The following NLGN1 variants were observed in gnomAD, a reference collection of about 807,000 sequenced individuals.
NLGN1 encodes neuroligin-1.
In NLGN1, 12 loss-of-function variants were observed where a neutral mutation model predicts 65.5. That is an observed-to-expected ratio of 0.18 (90% CI 0.12 to 0.30). The LOEUF (loss-of-function observed/expected upper bound fraction) is 0.30, where lower values mean the gene tolerates loss of function less well. Ranked by LOEUF, NLGN1 falls within the 10% of genes least tolerant of loss-of-function variation. NLGN1 has a pLI of 1.00. For synonymous variants in NLGN1, 350 were observed against 359.5 expected (o/e 0.97, Z 0.30); for missense variants, 750 against 1,007.1 (o/e 0.74, Z 3.46).
At chr3:174,216,663 G>T (rs189680633) in intron 4 of NLGN1, among the ~76,000 whole-genome samples, 45 of 152,148 alleles carry the variant, frequency 3.0e-4, no homozygotes, top group Non-Finnish European at 6.2e-4. Flanking sequence ...CCTTTGCCAT[G>T]TTCCTTCCTG....
intron 4 of NLGN1, among the ~76,000 whole-genome samples, chr3:174,093,318 T>C (rs184786562): frequency 6.6e-6 from 1 of 152,320 alleles, no homozygotes; most frequent in East Asian, 1.9e-4. Flanking sequence ...GTAATAAAGA[T>C]ACCTGTTTAC....
chr3:173,890,711 G>C (rs1049875047), intron 4 of NLGN1, among the ~76,000 whole-genome samples: 1 of 152,042 alleles, frequency 6.6e-6, no homozygotes, highest in South Asian at 2.1e-4. Context: ...CTGACGAAAA[G>C]GTTTACCTCC....
intron 1 of NLGN1, among the ~76,000 whole-genome samples, chr3:173,407,751 A>C (rs1045697600): frequency 2.0e-5 from 3 of 152,198 alleles, no homozygotes. Context: ...ACACACACAT[A>C]CAACACATTG....
At chr3:173,421,233 AG>A (rs1216551424) in intron 1 of NLGN1, among the ~76,000 whole-genome samples, 3 of 152,000 alleles carry the variant, frequency 2.0e-5, no homozygotes, top group Non-Finnish European at 2.9e-5. Context: ...TGCCTAGAAA[AG>A]TTATTTATTT....
chr3:174,281,380 A>G (rs149810861), exon 7 of NLGN1: 138 of 863,496 alleles, frequency 1.6e-4, no homozygotes, highest in Non-Finnish European at 2.4e-4. Context: ...CTTTCAACCT[A>G]CAAGACTTAC....
intron 2 of NLGN1, among the ~76,000 whole-genome samples, chr3:173,526,943 T>A (rs965287335): frequency 6.6e-6 from 1 of 152,260 alleles, no homozygotes. Context: ...TTTTTATGGC[T>A]GAATTGTATT....
intron 2 of NLGN1, among the ~76,000 whole-genome samples, chr3:173,455,037 A>ACAAC (rs1722273670): frequency 6.6e-6 from 1 of 152,172 alleles, no homozygotes; most frequent in Non-Finnish European, 1.5e-5. Context: ...CAGAACATAC[A>ACAAC]CAACATTTAT....
chr3:173,775,184 C>T (rs1780127564), intron 3 of NLGN1, among the ~76,000 whole-genome samples: 1 of 152,060 alleles, frequency 6.6e-6, no homozygotes, highest in Non-Finnish European at 1.5e-5. Context: ...TAAATCTGCA[C>T]TAAATGTCTA....
chr3:173,869,817 C>A (rs530140808), intron 4 of NLGN1, among the ~76,000 whole-genome samples: 34 of 152,254 alleles, frequency 2.2e-4, no homozygotes, highest in African/African-American at 7.5e-4. Context: ...TTCATTGTCT[C>A]TTTGACTGAA....
chr3:173,511,437 C>T (rs1328442124), intron 2 of NLGN1, among the ~76,000 whole-genome samples: 1 of 152,110 alleles, frequency 6.6e-6, no homozygotes, highest in Non-Finnish European at 1.5e-5. Flanking sequence ...AGTGTTAACA[C>T]GTTCTGTCGA....
chr3:174,293,035 A>G, the NLGN1 span, among the ~76,000 whole-genome samples: 2 of 151,480 alleles, frequency 1.3e-5, no homozygotes, highest in African/African-American at 4.8e-5. Flanking sequence ...AAATTGCAAG[A>G]AAAAAAACAC....
intron 2 of NLGN1, among the ~76,000 whole-genome samples, chr3:173,475,588 A>T (rs1726057409): frequency 6.6e-6 from 1 of 152,162 alleles, no homozygotes; most frequent in African/African-American, 2.4e-5. Context: ...TTTGGGAGCA[A>T]ATACTTCATC....
At chr3:173,842,157 T>C (rs1013177058) in intron 4 of NLGN1, among the ~76,000 whole-genome samples, 1 of 152,116 alleles carries the variant, frequency 6.6e-6, no homozygotes, top group South Asian at 2.1e-4. Flanking sequence ...TTTAAAACTA[T>C]CAGATTTCAT....
rs1360372639 is a variant in NLGN1, at chr3:173,567,461, C to G, written c.-320-36818C>G. Reference sequence around the variant, plus strand: ...TAAATAGAAATAAGGAATATATACACTCATTCAAAAAATAACGTTTAATTT... The same window carrying G: ...TAAATAGAAATAAGGAATATATACAGTCATTCAAAAAATAACGTTTAATTT... On this transcript the variant is annotated intron_variant, in intron 2 of 6. Transcript: ENST00000457714. Among the ~76,000 whole-genome samples, 4 of 151,958 alleles carry G rather than the reference C, an allele frequency of 2.6e-5. 1 individual carries two copies. Among genetic ancestry groups the G allele is most frequent in the Admixed American group, 1.3e-4 (2 of 15,274 alleles).
chr3:173,638,023 T>G (rs1261606953), intron 3 of NLGN1, among the ~76,000 whole-genome samples: 1 of 152,184 alleles, frequency 6.6e-6, no homozygotes, highest in Non-Finnish European at 1.5e-5. Context: ...CCAGTAGATT[T>G]TAATAGAGAT....
intron 2 of NLGN1, among the ~76,000 whole-genome samples, chr3:173,480,160 T>TC (rs1198386312): frequency 6.6e-6 from 1 of 151,790 alleles, no homozygotes; most frequent in Non-Finnish European, 1.5e-5. Context: ...CCTCTTTTTT[T>TC]CCCCCCTTTT....
At chr3:173,829,834 C>G (rs950075531) in intron 4 of NLGN1, among the ~76,000 whole-genome samples, 4 of 151,992 alleles carry the variant, frequency 2.6e-5, no homozygotes, top group African/African-American at 9.7e-5. Flanking sequence ...ATATTCAGCC[C>G]ATCTTAATAT....
intron 3 of NLGN1, among the ~76,000 whole-genome samples, chr3:173,725,941 T>G (rs967101561): frequency 2.6e-5 from 4 of 152,168 alleles, no homozygotes; most frequent in African/African-American, 9.7e-5. Context: ...TATAGGCAGT[T>G]CAGTGCATGC....
intron 3 of NLGN1, among the ~76,000 whole-genome samples, chr3:173,719,895 G>T (rs996515152): frequency 6.6e-6 from 1 of 152,080 alleles, no homozygotes; most frequent in Admixed American, 6.6e-5. Context: ...TGGAAGGATT[G>T]CTTGAGGCCA....
Sources: allele counts gnomAD v4.1 joint callset (sites outside exome capture counted in the v4.1 genomes callset), GRCh38; gene constraint gnomAD v4.1.1; transcripts MANE v1.5; gene names NCBI Gene and HGNC (gene_info 2026-07-23, HGNC 2026-07-21).